The following PRH1 variants were observed in gnomAD, a reference collection of about 807,000 sequenced individuals.
PRH1 encodes the protein proline rich protein HaeIII subfamily 1, also known as salivary acidic proline-rich phosphoprotein 1/2.
In PRH1, 7 loss-of-function variants were observed where a neutral mutation model predicts 7.9. That is an observed-to-expected ratio of 0.89 (90% CI 0.50 to 1.67). PRH1 has a LOEUF of 1.67. Among genes scored for constraint, PRH1 ranks in the 40% most tolerant of loss-of-function variants. PRH1 has a pLI of 0.00. For synonymous variants in PRH1, 45 were observed against 80.8 expected, an observed-to-expected ratio of 0.56 and a Z score of 2.38; for missense variants, 109 against 223.6, an observed-to-expected ratio of 0.49 and a Z score of 3.27.
chr12:10,890,684 G>T (rs1949559384), intron 2 of PRH1, among the ~76,000 whole-genome samples: 1 of 152,034 alleles, frequency 6.6e-6, no homozygotes, highest in Admixed American at 6.6e-5. Context: ...GACCAGCCTG[G>T]GTGACATAGT....
chr12:10,900,818 T>C (rs534194506), intron 2 of PRH1, among the ~76,000 whole-genome samples: 1 of 152,196 alleles, frequency 6.6e-6, no homozygotes, highest in African/African-American at 2.4e-5. Context: ...GATCCTAGAA[T>C]AGGGAGGCCC....
chr12:11,043,134 A>G (rs545330103), intron 1 of PRH1, among the ~76,000 whole-genome samples: 1 of 152,218 alleles, frequency 6.6e-6, no homozygotes, highest in Non-Finnish European at 1.5e-5. Flanking sequence ...GGGTGGTTCA[A>G]CATACACAAA....
At chr12:10,887,784 T>C (rs1187185042), upstream of PRH1, among the ~76,000 whole-genome samples, 1 of 152,148 alleles carries the variant, frequency 6.6e-6, no homozygotes, top group East Asian at 1.9e-4. Flanking sequence ...GAGGAAAAAT[T>C]AAGTTGATTT....
intron 2 of PRH1, among the ~76,000 whole-genome samples, chr12:10,948,816 G>A (rs974726277): frequency 5.9e-5 from 9 of 152,172 alleles, no homozygotes; most frequent in Non-Finnish European, 1.0e-4. Flanking sequence ...ACCAGGGAGA[G>A]CCTTTGTGTA....
intron 1 of PRH1, chr12:10,997,481 A>T: frequency 6.2e-7 from 1 of 1,613,910 alleles, no homozygotes; most frequent in Non-Finnish European, 8.5e-7. Context: ...CCCCAACACT[A>T]TCACCAGAAC....
rs71051557 is a variant in PRH1 at position 11,042,623 on chromosome 12, C to CTTT, written c.-126+4394_-126+4396dup. On this transcript the variant is annotated intron_variant, in intron 1 of 3. Transcript: ENST00000539853. ...AAGAGGGACTACTTCCAGGCTCATTCTTTTTTTTTTTTTTTTTTTTTTTTG... is the reference window on the plus strand; with the variant it reads ...AAGAGGGACTACTTCCAGGCTCATTCTTTTTTTTTTTTTTTTTTTTTTTTTTTG... Among the ~76,000 whole-genome samples the CTTT allele has an allele frequency of 4.4e-3, 350 of 79,262 alleles. 7 individuals are homozygous for CTTT. Among genetic ancestry groups the CTTT allele is most frequent in the East Asian group, 0.011 (29 of 2,650 alleles). The allele number at this position is 79,262 out of a possible 152,430, so 52.0% of individuals were successfully genotyped here. A position where few individuals can be genotyped will look rare whatever the true frequency, so the allele number is the denominator to read the frequency against.
chr12:11,067,872 A>C (rs1943894433), intron 1 of PRH1, among the ~76,000 whole-genome samples: 1 of 152,186 alleles, frequency 6.6e-6, no homozygotes, highest in Non-Finnish European at 1.5e-5. Context: ...CAAAACAATA[A>C]GAAAAATTTT....
chr12:11,044,823 G>A (rs1054313901), intron 1 of PRH1, among the ~76,000 whole-genome samples: 2 of 152,176 alleles, frequency 1.3e-5, no homozygotes, highest in Non-Finnish European at 2.9e-5. Flanking sequence ...TGGTGAAGAT[G>A]TGGAGAAACG....
intron 1 of PRH1, among the ~76,000 whole-genome samples, chr12:10,982,054 A>G (rs1419029401): frequency 1.3e-5 from 2 of 152,018 alleles, no homozygotes; most frequent in Non-Finnish European, 2.9e-5. Flanking sequence ...GTCCAACCCA[A>G]AGGGGTTCTA....
At position 10,910,674 on chromosome 12, in the gene PRH1, C is replaced by T. The variant is rs1483412296; in HGVS notation, c.-58-26399G>A. Among the ~76,000 whole-genome samples the T allele has an allele frequency of 5.3e-5, 8 of 151,512 alleles. No individual in the cohort carries two copies. In the East Asian group the frequency reaches 9.7e-4, roughly 18 times the overall value. ...CCCGCCCCACTCTTTCAAAAACTAC[C>T]GAAAAAAAGTGGATTACCAAAATTC... On this transcript the variant is annotated intron_variant, in intron 2 of 3. Transcript: ENST00000539853.
At chr12:11,169,406 T>G (rs1429637565) in intron 1 of PRH1, among the ~76,000 whole-genome samples, 1 of 152,194 alleles carries the variant, frequency 6.6e-6, no homozygotes, top group East Asian at 1.9e-4. Flanking sequence ...ATTTGGAGCT[T>G]TGTGACTGTT....
At chr12:10,949,948 T>G (rs767988143) in intron 2 of PRH1, among the ~76,000 whole-genome samples, 46 of 152,136 alleles carry the variant, frequency 3.0e-4, no homozygotes, top group African/African-American at 4.6e-4. Flanking sequence ...TTAAAATATA[T>G]TTTTGCAAAC....
At chr12:11,068,934 G>T (rs9697273) in intron 1 of PRH1, among the ~76,000 whole-genome samples, 11,670 of 104,586 alleles carry the variant, frequency 0.11, no homozygotes, top group East Asian at 0.37. Context: ...TTGAGACATG[G>T]TCTCACTCTG....
chr12:11,044,929 A>T (rs1942850451), intron 1 of PRH1, among the ~76,000 whole-genome samples: 1 of 152,172 alleles, frequency 6.6e-6, no homozygotes, highest in East Asian at 1.9e-4. Context: ...TAGAGCTACC[A>T]TATGTTCCAC....
At chr12:11,103,123 G>C (rs1592018703) in intron 1 of PRH1, among the ~76,000 whole-genome samples, 1 of 152,176 alleles carries the variant, frequency 6.6e-6, no homozygotes, top group African/African-American at 2.4e-5. Flanking sequence ...CATTGTGGAA[G>C]ACAGTGTGGC....
At chr12:11,021,899 T>C (rs115299813) in intron 1 of PRH1, 25,461 of 1,614,182 alleles carry the variant, frequency 0.016, 211 homozygotes, top group Middle Eastern at 0.032. Context: ...AAAGCTTTTA[T>C]ATGGACCTTG....
intron 2 of PRH1, among the ~76,000 whole-genome samples, chr12:10,942,869 G>A (rs1032913372): frequency 2.0e-5 from 3 of 152,166 alleles, no homozygotes; most frequent in African/African-American, 7.2e-5. Flanking sequence ...CGAGCTCACA[G>A]GGCCTTTTCT....
chr12:10,946,171 G>T (rs1471361913), intron 2 of PRH1, among the ~76,000 whole-genome samples: 1 of 152,182 alleles, frequency 6.6e-6, no homozygotes, highest in Non-Finnish European at 1.5e-5. Context: ...AATCACAAAG[G>T]TATTGATTGG....
intron 1 of PRH1, among the ~76,000 whole-genome samples, chr12:10,983,620 A>G (rs1229681716): frequency 6.6e-6 from 1 of 152,214 alleles, no homozygotes; most frequent in East Asian, 1.9e-4. Context: ...CCAATGGGAA[A>G]TAGAAGACAG....
Sources: allele counts gnomAD v4.1 joint callset (sites outside exome capture counted in the v4.1 genomes callset), GRCh38; gene constraint gnomAD v4.1.1; transcripts MANE v1.5; gene names NCBI Gene and HGNC (gene_info 2026-07-23, HGNC 2026-07-21).